Variants in ATM observed in about 807,000 individuals in gnomAD.
ATM encodes the protein serine-protein kinase ATM.
Under a neutral mutation model 387.0 loss-of-function variants are expected in ATM, and 308 were observed. The observed-to-expected ratio is 0.80, with a 90% confidence interval of 0.73 to 0.87. The LOEUF (loss-of-function observed/expected upper bound fraction) is 0.87, where lower values mean the gene tolerates loss of function less well. Among genes scored for constraint, ATM ranks in the 40% least tolerant of loss-of-function variants. ATM has a pLI of 0.00. For synonymous variants in ATM, 1,156 were observed against 1,187.3 expected (o/e 0.97, Z 0.54); for missense variants, 3,312 against 3,560.9 (o/e 0.93, Z 1.78).
chr11:108,241,742 CT>C (rs1206745957), intron 5 of ATM, among the ~76,000 whole-genome samples: 2,132 of 45,414 alleles, frequency 0.047, 20 homozygotes, highest in African/African-American at 0.12. Context: ...TTCTTTCTTT[CT>C]TTTTTTTTTT....
intron 38 of ATM, 27 bp from the exon 39 acceptor site, chr11:108,310,133 A>C (rs1157429035): frequency 6.2e-7 from 1 of 1,603,906 alleles, no homozygotes; most frequent in Non-Finnish European, 8.5e-7. Context: ...AAAAAAGTGA[A>C]TGACATTATA....
At chr11:108,347,178 T>TA (rs2088523490) in intron 58 of ATM, 101 bp from the exon 59 acceptor site, 1 of 946,984 alleles carries the variant, frequency 1.1e-6, no homozygotes, top group Non-Finnish European at 1.7e-6. Flanking sequence ...CTAAACTACT[T>TA]AAAGATTATA....
At chr11:108,303,397 A>G (rs2083525831) in intron 36 of ATM, among the ~76,000 whole-genome samples, 1 of 152,162 alleles carries the variant, frequency 6.6e-6, no homozygotes, top group African/African-American at 2.4e-5. Flanking sequence ...TGGGGCAGCA[A>G]TCAGCATAGC....
rs4987949 is a variant in ATM at position 108,253,397 on chromosome 11, C to T, written c.1899-417C>T. Among the ~76,000 whole-genome samples, 1,002 of 152,230 alleles carry T rather than the reference C, an allele frequency of 6.6e-3. 12 individuals carry two copies. The highest frequency in any genetic ancestry group is 0.023 in the African/African-American group (952 of 41,552). ...TGGCACAAACATTCCTTATCTCCCTCAAGAGGGCAAAAGGATGCGTAACTG... is the reference window on the plus strand; with the variant it reads ...TGGCACAAACATTCCTTATCTCCCTTAAGAGGGCAAAAGGATGCGTAACTG... On this transcript the variant is annotated intron_variant, in intron 12 of 62. Coordinates refer to ENST00000675843, the MANE Select transcript of ATM (RefSeq NM_000051.4).
intron 36 of ATM, 57 bp downstream of exon 36, chr11:108,303,086 A>G (rs2135932412): frequency 2.0e-6 from 3 of 1,510,026 alleles, no homozygotes; most frequent in Non-Finnish European, 2.8e-6. Context: ...TTATCTAAAG[A>G]GTGCTGTGAT....
intron 17 of ATM, among the ~76,000 whole-genome samples, chr11:108,267,803 A>G (rs1387978303): frequency 2.6e-5 from 4 of 152,236 alleles, no homozygotes; most frequent in African/African-American, 9.6e-5. Flanking sequence ...GGTTGCAGTG[A>G]GCCGAGATCA....
chr11:108,276,886 G>A (rs2081978186), intron 22 of ATM, among the ~76,000 whole-genome samples: 1 of 152,176 alleles, frequency 6.6e-6, no homozygotes, highest in East Asian at 1.9e-4. Flanking sequence ...AGCAGAGCTC[G>A]AGCGCTGTGC....
At chr11:108,314,862 T>C (rs1171836913) in intron 40 of ATM, among the ~76,000 whole-genome samples, 1 of 152,238 alleles carries the variant, frequency 6.6e-6, no homozygotes, top group Non-Finnish European at 1.5e-5. Flanking sequence ...AACTGTACTG[T>C]GTTTATCAAT....
intron 24 of ATM, among the ~76,000 whole-genome samples, chr11:108,281,737 G>A (rs1353460646): frequency 6.6e-6 from 1 of 152,098 alleles, no homozygotes; most frequent in Non-Finnish European, 1.5e-5. Flanking sequence ...TAAATCAGTG[G>A]TAGGTCAGTG....
intron 61 of ATM, 129 bp from the exon 62 acceptor site, chr11:108,364,953 T>G (rs1177971903): frequency 6.1e-6 from 6 of 982,718 alleles, no homozygotes; most frequent in Non-Finnish European, 9.2e-6. Context: ...GAAGTGTGCA[T>G]GATGTTTGTT....
intron 61 of ATM, among the ~76,000 whole-genome samples, chr11:108,363,687 T>A (rs2091043939): frequency 6.6e-6 from 1 of 152,232 alleles, no homozygotes; most frequent in Admixed American, 6.5e-5. Flanking sequence ...AACCCTGCTC[T>A]AGCTTAATCA....
rs2135267733 is a variant in ATM, at chr11:108,247,061, T to C, written c.999T>C (p.Ser333=). ...ATATAGGAAGTAGAGGAAAGTATTCTTCAGGATTTCGTAATATTGCCGTCA... is the reference window on the plus strand; with the variant it reads ...ATATAGGAAGTAGAGGAAAGTATTCCTCAGGATTTCGTAATATTGCCGTCA... ...ISHIGSRGKY[S]SGFRNIAVKE... is the part of the protein sequence containing the mutation. Residue 333 remains serine (S), a synonymous_variant, in exon 8 of 63, where the codon TCT becomes TCC. Coordinates refer to ENST00000675843, the MANE Select transcript of ATM (RefSeq NM_000051.4). The C allele has an allele frequency of 6.2e-7, 1 of 1,614,000 alleles. No individual in the cohort carries two copies. Among genetic ancestry groups the C allele is most frequent in the South Asian group, 1.1e-5 (1 of 91,078 alleles).
chr11:108,312,639 G>T, intron 40 of ATM, 141 bp downstream of exon 40: 1 of 643,974 alleles, frequency 1.6e-6, no homozygotes. Flanking sequence ...TAAAATTATG[G>T]TCTGAAGCTT....
chr11:108,287,666 C>A lies in ATM; in HGVS notation c.4060C>A (p.Pro1354Thr), dbSNP rs145119475. Residue 1354 changes from proline (P) to threonine (T), a missense_variant, in exon 27 of 63, where the codon CCA (proline) becomes ACA (threonine). By Grantham distance (38) the Pro-to-Thr change is conservative (BLOSUM62 -1). This residue lies in a region of ATM where 1,791 missense variants were observed against 1,804.5 expected (regional missense o/e 0.99). Transcript: ENST00000675843. ...VVELLMTLHEPANSSASQSTD... is the reference protein window; with the variant it reads ...VVELLMTLHETANSSASQSTD... Reference sequence around the variant, plus strand: ...GGAGTTATTGATGACGTTACATGAGCCAGCAAATTCTAGTGCCAGTCAGAG... The same window carrying A: ...GGAGTTATTGATGACGTTACATGAGACAGCAAATTCTAGTGCCAGTCAGAG... The A allele has an allele frequency of 1.8e-4, 296 of 1,613,640 alleles. No individual in the cohort carries two copies. Among genetic ancestry groups the A allele is most frequent in the Non-Finnish European group, 2.3e-4 (273 of 1,179,922 alleles).
chr11:108,315,743 AATG>A (rs2084571784), intron 40 of ATM, 77 bp from the exon 41 acceptor site: 2 of 999,042 alleles, frequency 2.0e-6, no homozygotes, highest in Non-Finnish European at 3.1e-6. Flanking sequence ...ACATATTGGT[AATG>A]ATACAATTTA....
chr11:108,262,287 C>G (rs374964320), intron 16 of ATM, among the ~76,000 whole-genome samples: 63 of 152,224 alleles, frequency 4.1e-4, no homozygotes, highest in Non-Finnish European at 7.1e-4. Context: ...CGGATCTCTC[C>G]GCAGAAACTC....
At chr11:108,253,006 T>C in intron 12 of ATM, 94 bp downstream of exon 12, 1 of 1,135,716 alleles carries the variant, frequency 8.8e-7, no homozygotes, top group Non-Finnish European at 1.3e-6. Context: ...ATCTTAATAA[T>C]TGTAAACTAA....
At chr11:108,331,134 T>A in intron 50 of ATM, 1 of 1,064,860 alleles carries the variant, frequency 9.4e-7, no homozygotes, top group East Asian at 7.5e-5. Context: ...GGAATCAAGA[T>A]CACAGTCACA....
At chr11:108,353,447 T>TA (rs1488044235) in intron 59 of ATM, among the ~76,000 whole-genome samples, 1 of 152,126 alleles carries the variant, frequency 6.6e-6, no homozygotes, top group Non-Finnish European at 1.5e-5. Flanking sequence ...ACACCCAGCC[T>TA]AAAAATTTTT....
Sources: allele counts gnomAD v4.1 joint callset (sites outside exome capture counted in the v4.1 genomes callset), GRCh38; gene constraint gnomAD v4.1.1; regional missense constraint gnomAD v4.1.1; transcripts MANE v1.5; gene names NCBI Gene and HGNC (gene_info 2026-07-23, HGNC 2026-07-21).